The following FSHR variants were observed in gnomAD, a reference collection of about 807,000 sequenced individuals.
The protein encoded by FSHR is follicle stimulating hormone receptor.
A neutral mutation model predicts 52.1 loss-of-function variants in FSHR; 46 were observed. That is an observed-to-expected ratio of 0.88 (90% CI 0.70 to 1.13). The LOEUF (loss-of-function observed/expected upper bound fraction) is 1.13. Ranked by LOEUF, FSHR falls within the 50% of genes most tolerant of loss-of-function variation. The pLI is 0.00. For missense variants in FSHR, 964 were observed against 834.6 expected (o/e 1.16, Z -1.91); for synonymous variants, 399 against 309.6 (o/e 1.29, Z -3.03).
Position 48,963,559 on chromosome 2 carries a change from A to G in FSHR, c.1262T>C (p.Val421Ala), listed in dbSNP as rs756033660. 7.4e-6 allele frequency: 12 copies of G among 1,614,196 alleles called. No individual in the cohort carries two copies. Among genetic ancestry groups the G allele is most frequent in the East Asian group, 4.5e-5 (2 of 44,882 alleles). The part of the protein sequence containing the change: ...IGIYLLLIAS[V>A]DIHTKSQYHN... ...ATATTGGCTCTTGGTATGGATATCA[A>G]CTGATGCAATGAGCAGCAGGTAGAT... Residue 421 changes from valine to alanine, a missense_variant, in exon 10 of 10, where the codon GTT (valine) becomes GCT (alanine). By Grantham distance (64) the Val-to-Ala change is moderately conservative. Transcript: ENST00000406846.
chr2:49,154,287 A>G lies in FSHR; in HGVS notation c.131T>C (p.Leu44Pro). The G allele has an allele frequency of 6.2e-7, 1 of 1,613,906 alleles. No homozygotes were observed. The highest frequency in any genetic ancestry group is 8.5e-7 in the Non-Finnish European group (1 of 1,179,894). ...ESKVTEIPSD[L>P]PRNAIELRFV... The stretch of plus-strand genomic sequence containing the variant: ...TCACAGTTCAATGGCATTCCTCGGG[A>G]GGTCAGAAGGAATCTCTGTCACCTT... The change falls in exon 1 of 10, where the codon CTC (leucine) becomes CCC (proline). Residue 44 changes from leucine (L) to proline (P), a missense_variant. By Grantham distance (98) the Leu-to-Pro change is moderately conservative (BLOSUM62 -3). Coordinates refer to ENST00000406846, the MANE Select transcript of FSHR (RefSeq NM_000145.4).
At chr2:49,030,534 C>G (rs942491676) in intron 2 of FSHR, among the ~76,000 whole-genome samples, 1 of 152,046 alleles carries the variant, frequency 6.6e-6, no homozygotes, top group African/African-American at 2.4e-5. Flanking sequence ...TAAATCTTAT[C>G]TTGGCTTGAA....
intron 2 of FSHR, among the ~76,000 whole-genome samples, chr2:49,061,861 A>G (rs1669322263): frequency 7.1e-6 from 1 of 140,992 alleles, no homozygotes; most frequent in African/African-American, 2.5e-5. Context: ...AATATAATAT[A>G]TTTATATATA....
chr2:49,064,345 C>G (rs549601442), intron 2 of FSHR, among the ~76,000 whole-genome samples: 651 of 1,408 alleles, frequency 0.46, 2 homozygotes, highest in South Asian at 0.5. Context: ...GGGCCCACAC[C>G]ACAAGGGCCC....
intron 2 of FSHR, among the ~76,000 whole-genome samples, chr2:49,055,447 G>A (rs1487446292): frequency 2.8e-5 from 4 of 144,144 alleles, no homozygotes; most frequent in African/African-American, 7.8e-5. Flanking sequence ...GAAAGGAAAA[G>A]GCATAGAAAG....
chr2:49,122,030 A>G (rs1332413473), intron 1 of FSHR, among the ~76,000 whole-genome samples: 2 of 152,258 alleles, frequency 1.3e-5, no homozygotes, highest in Middle Eastern at 3.4e-3. Context: ...GCCACTACAA[A>G]TTGCTCATAA....
At position 49,007,791 on chromosome 2, in the gene FSHR, A is replaced by C. The variant is rs115822886; in HGVS notation, c.374+9698T>G. Among the ~76,000 whole-genome samples, 204 of 152,242 alleles carry C rather than the reference A, an allele frequency of 1.3e-3. 1 individual carries two copies. Among genetic ancestry groups the C allele is most frequent in the African/African-American group, 4.9e-3 (202 of 41,572 alleles). Reference sequence around the variant, plus strand: ...ATCAAATCAGAAACATTTATTGTGAATGGATAATATACCAGAAGCTTTACA... The same window carrying C: ...ATCAAATCAGAAACATTTATTGTGACTGGATAATATACCAGAAGCTTTACA... On this transcript the variant is annotated intron_variant, in intron 4 of 9. Coordinates refer to ENST00000406846, the MANE Select transcript of FSHR (RefSeq NM_000145.4).
chr2:48,975,483 G>C (rs1220940882), intron 8 of FSHR, among the ~76,000 whole-genome samples: 1 of 152,054 alleles, frequency 6.6e-6, no homozygotes, highest in Non-Finnish European at 1.5e-5. Context: ...GGCACGTCAG[G>C]CCTCTTGCTT....
In FSHR at chr2:49,097,904, C is replaced by T. The variant is rs1045395242; in HGVS notation, c.153-29614G>A. Reference sequence around the variant, plus strand: ...AAAATTTGAAGTCTTTTTATTTGCACACATGGATTTTTATCTTATAAATTT... The same window carrying T: ...AAAATTTGAAGTCTTTTTATTTGCATACATGGATTTTTATCTTATAAATTT... On this transcript the variant is annotated intron_variant, in intron 1 of 9. Coordinates refer to ENST00000406846, the MANE Select transcript of FSHR (RefSeq NM_000145.4). 2.6e-5 allele frequency among the ~76,000 whole-genome samples: 4 copies of T among 151,968 alleles called. No individual in the cohort carries two copies. The South Asian group carries it at 8.3e-4, about 31-fold the overall frequency.
chr2:48,963,502 G>T lies in FSHR; in HGVS notation c.1319C>A (p.Ala440Glu). 1 of 1,614,190 alleles carries T rather than the reference G, an allele frequency of 6.2e-7. No homozygotes were observed. Among genetic ancestry groups the T allele is most frequent in the Non-Finnish European group, 8.5e-7 (1 of 1,180,028 alleles). ...HNYAIDWQTG[A>E]GCDAAGFFTV... ...GAAAAAGCCAGCAGCATCACAGCCT[G>T]CCCCAGTTTGCCAGTCAATGGCATA... Residue 440 changes from alanine to glutamate, a missense_variant, in exon 10 of 10, where the codon GCA becomes GAA. By Grantham distance (107) the Ala-to-Glu change is moderately radical. Coordinates refer to ENST00000406846, the MANE Select transcript of FSHR (RefSeq NM_000145.4).
intron 2 of FSHR, among the ~76,000 whole-genome samples, chr2:49,055,186 C>T (rs989534689): frequency 2.0e-5 from 3 of 151,044 alleles, no homozygotes; most frequent in Non-Finnish European, 3.0e-5. Flanking sequence ...AGAGATATCA[C>T]AAAAAAAGAG....
chr2:49,142,492 A>T (rs1322121009), intron 1 of FSHR, among the ~76,000 whole-genome samples: 1 of 152,226 alleles, frequency 6.6e-6, no homozygotes. Flanking sequence ...GGCAAAGCAC[A>T]TTAGCTCCAC....
Position 49,045,415 on chromosome 2 carries a change from A to T in FSHR, c.224+22804T>A, listed in dbSNP as rs569573609. 7.2e-5 allele frequency among the ~76,000 whole-genome samples: 11 copies of T among 152,348 alleles called. No individual in the cohort carries two copies. The East Asian group carries it at 2.1e-3, about 29-fold the overall frequency. On this transcript the variant is annotated intron_variant, in intron 2 of 9. Coordinates refer to ENST00000406846, the MANE Select transcript of FSHR (RefSeq NM_000145.4). ...TTTTGAAGTGCTTTATGTAGGAGAC[A>T]TTGAACAGGAACTCATGAAATGCTC...
chr2:49,101,508 A>G (rs142928280), intron 1 of FSHR, among the ~76,000 whole-genome samples: 1 of 152,254 alleles, frequency 6.6e-6, no homozygotes, highest in Non-Finnish European at 1.5e-5. Context: ...GAAAATGAAG[A>G]GAGAAAGATT....
At chr2:49,090,494 A>G (rs1475619396) in intron 1 of FSHR, among the ~76,000 whole-genome samples, 1 of 152,184 alleles carries the variant, frequency 6.6e-6, no homozygotes. Flanking sequence ...TGAATATACC[A>G]CAGTTTGTTT....
intron 1 of FSHR, among the ~76,000 whole-genome samples, chr2:49,089,393 T>C (rs897902392): frequency 6.6e-6 from 1 of 152,182 alleles, no homozygotes; most frequent in Non-Finnish European, 1.5e-5. Flanking sequence ...ATTCTGCTTC[T>C]TTAGATACTA....
intron 4 of FSHR, among the ~76,000 whole-genome samples, chr2:49,007,340 G>A (rs1667108270): frequency 6.6e-6 from 1 of 152,140 alleles, no homozygotes; most frequent in South Asian, 2.1e-4. Context: ...CCCTCCTACT[G>A]TGTGGATTGT....
chr2:48,968,476 C>G (rs901481901), intron 9 of FSHR, among the ~76,000 whole-genome samples: 2 of 152,192 alleles, frequency 1.3e-5, no homozygotes, highest in African/African-American at 4.8e-5. Flanking sequence ...TATGTTCTGC[C>G]ACATGGGTAG....
intron 9 of FSHR, among the ~76,000 whole-genome samples, chr2:48,965,425 T>C (rs1198071964): frequency 6.6e-6 from 1 of 152,184 alleles, no homozygotes; most frequent in Non-Finnish European, 1.5e-5. Context: ...TGAAAGTGAA[T>C]GGAAACGGAG....
Sources: gnomAD v4.1 joint callset for allele counts (sites outside exome capture counted in the v4.1 genomes callset) on GRCh38, gnomAD v4.1.1 for gene constraint, MANE v1.5 for transcripts, NCBI Gene and HGNC (gene_info 2026-07-23, HGNC 2026-07-21) for gene names.